The following FER variants were observed in gnomAD, a reference collection of about 807,000 sequenced individuals.
FER encodes the protein tyrosine-protein kinase Fer.
Under a neutral mutation model 111.0 loss-of-function variants are expected in FER, and 63 were observed. The ratio of observed to expected loss-of-function variants is 0.57; its 90% CI spans 0.46 to 0.70. FER has a LOEUF of 0.70. Among genes scored for constraint, FER ranks in the 30% least tolerant of loss-of-function variants. The probability of loss-of-function intolerance (pLI) is 0.00; values close to 1 mark genes in which losing one functional copy is unlikely to be tolerated. For missense variants in FER, 914 were observed against 954.0 expected (o/e 0.96, Z 0.55); for synonymous variants, 327 against 313.9 (o/e 1.04, Z -0.44).
intron 17 of FER, among the ~76,000 whole-genome samples, chr5:109,147,783 A>G (rs567668323): frequency 1.1e-3 from 101 of 92,676 alleles, no homozygotes; most frequent in African/African-American, 4.0e-3. Context: ...ACACATACAT[A>G]TATATATATA....
At chr5:108,851,722 G>T (rs995427144) in intron 5 of FER, among the ~76,000 whole-genome samples, 7 of 152,104 alleles carry the variant, frequency 4.6e-5, no homozygotes, top group Non-Finnish European at 8.8e-5. Flanking sequence ...TATCAGAAAA[G>T]ATGTTAAAAA....
chr5:108,819,198 T>A (rs1580709942), intron 3 of FER, among the ~76,000 whole-genome samples: 2 of 149,572 alleles, frequency 1.3e-5, no homozygotes, highest in East Asian at 1.9e-4. Context: ...TTTTTTTTTT[T>A]AATTTTTAGA....
At chr5:109,097,396 G>A (rs1747673743) in intron 16 of FER, among the ~76,000 whole-genome samples, 1 of 149,504 alleles carries the variant, frequency 6.7e-6, no homozygotes, top group South Asian at 2.1e-4. Context: ...AATTACAAAA[G>A]GGGTGTGAGT....
intron 13 of FER, among the ~76,000 whole-genome samples, chr5:108,973,983 GT>G (rs1214856988): frequency 6.6e-6 from 1 of 152,136 alleles, no homozygotes; most frequent in Non-Finnish European, 1.5e-5. Flanking sequence ...TTCTATTGCA[GT>G]CTTGAATGTG....
chr5:108,922,590 C>A (rs1294348409), intron 10 of FER, among the ~76,000 whole-genome samples: 1 of 152,004 alleles, frequency 6.6e-6, no homozygotes, highest in African/African-American at 2.4e-5. Flanking sequence ...GGGTAAGTGC[C>A]TGGCACCTAA....
intron 8 of FER, among the ~76,000 whole-genome samples, chr5:108,875,401 T>C (rs1764990583): frequency 6.6e-6 from 1 of 152,104 alleles, no homozygotes; most frequent in Admixed American, 6.6e-5. Context: ...CCCATCTGCC[T>C]CTTTTTTTGC....
chr5:109,169,136 G>T (rs943773717), intron 17 of FER, among the ~76,000 whole-genome samples: 3 of 152,082 alleles, frequency 2.0e-5, no homozygotes, highest in Non-Finnish European at 2.9e-5. Flanking sequence ...TAACAATCAT[G>T]GAAGGACATT....
chr5:109,020,786 T>C (rs148993015), intron 13 of FER, among the ~76,000 whole-genome samples: 35 of 152,186 alleles, frequency 2.3e-4, no homozygotes, highest in African/African-American at 8.4e-4. Context: ...TCAGCCACCT[T>C]GCCAAACTAA....
intron 5 of FER, among the ~76,000 whole-genome samples, chr5:108,839,665 C>T (rs539179077): frequency 4.6e-5 from 7 of 151,100 alleles, no homozygotes; most frequent in Admixed American, 1.3e-4. Context: ...GCAAGCTCCG[C>T]CTCCCAGATT....
intron 17 of FER, among the ~76,000 whole-genome samples, chr5:109,147,762 A>AAC (rs1157219143): frequency 2.7e-5 from 4 of 145,866 alleles, no homozygotes; most frequent in African/African-American, 7.7e-5. Flanking sequence ...ATACAAAGAG[A>AAC]ACACACACAC....
intron 17 of FER, among the ~76,000 whole-genome samples, chr5:109,139,092 G>C (rs1484839911): frequency 6.6e-6 from 1 of 152,166 alleles, no homozygotes; most frequent in African/African-American, 2.4e-5. Flanking sequence ...GAGAAAGCCA[G>C]AACAGTCTAG....
At position 108,821,188 on chromosome 5, in the gene FER, T is replaced by G. The variant is rs116800142; in HGVS notation, c.208-11582T>G. Reference sequence around the variant, plus strand: ...CTTTAACCAAGAGAAAGTGAAATTCTGCTGACATTGAAGGTCATACTTAAC... The same window carrying G: ...CTTTAACCAAGAGAAAGTGAAATTCGGCTGACATTGAAGGTCATACTTAAC... On this transcript the variant is annotated intron_variant, in intron 3 of 19. Transcript: ENST00000281092. 4.9e-3 allele frequency among the ~76,000 whole-genome samples: 747 copies of G among 152,340 alleles called. 5 individuals are homozygous for G. The highest frequency in any genetic ancestry group is 7.6e-3 in the Non-Finnish European group (516 of 68,028).
At chr5:109,142,147 G>T (rs1753590507) in intron 17 of FER, among the ~76,000 whole-genome samples, 1 of 152,148 alleles carries the variant, frequency 6.6e-6, no homozygotes, top group African/African-American at 2.4e-5. Context: ...GATAGAGTGG[G>T]AAGGAGGATA....
intron 2 of FER, among the ~76,000 whole-genome samples, chr5:108,796,227 T>G (rs1756000604): frequency 6.6e-6 from 1 of 152,192 alleles, no homozygotes; most frequent in Non-Finnish European, 1.5e-5. Flanking sequence ...CCCAAACAAA[T>G]GGAGTCTCTC....
At chr5:109,017,397 G>T (rs764915735) in intron 13 of FER, among the ~76,000 whole-genome samples, 1 of 151,882 alleles carries the variant, frequency 6.6e-6, no homozygotes, top group Non-Finnish European at 1.5e-5. Context: ...AATTGCTTTG[G>T]ATTGTTTTGA....
intron 1 of FER, among the ~76,000 whole-genome samples, chr5:108,753,746 T>C (rs765308374): frequency 1.3e-5 from 2 of 152,206 alleles, no homozygotes; most frequent in African/African-American, 2.4e-5. Context: ...CTGTTTCAGA[T>C]TGTGTGTTCT....
Position 109,184,971 on chromosome 5 carries a change from A to G in FER, c.2204-1229A>G, listed in dbSNP as rs544287377. 2.6e-5 allele frequency among the ~76,000 whole-genome samples: 4 copies of G among 152,344 alleles called. No individual in the cohort carries two copies. The South Asian group carries it at 8.3e-4, about 32-fold the overall frequency. ...CAGGAAACCACATGAGGGATAGAAAATGAAATAACTTAAGAAATCTTTAAC... is the reference window on the plus strand; with the variant it reads ...CAGGAAACCACATGAGGGATAGAAAGTGAAATAACTTAAGAAATCTTTAAC... On this transcript the variant is annotated intron_variant, in intron 18 of 19. Coordinates refer to ENST00000281092, the MANE Select transcript of FER (RefSeq NM_005246.4).
chr5:109,005,050 C>G (rs1477644854), intron 13 of FER, among the ~76,000 whole-genome samples: 2 of 151,880 alleles, frequency 1.3e-5, no homozygotes, highest in African/African-American at 2.4e-5. Flanking sequence ...ACTATCCATC[C>G]CTAGGGATAA....
At chr5:109,186,893 A>T (rs1313755095) in intron 19 of FER, among the ~76,000 whole-genome samples, 1 of 152,230 alleles carries the variant, frequency 6.6e-6, no homozygotes, top group Non-Finnish European at 1.5e-5. Flanking sequence ...GTAGAAGTGG[A>T]TGAAGGAAGA....
Sources: gnomAD v4.1 joint callset for allele counts (sites outside exome capture counted in the v4.1 genomes callset) on GRCh38, gnomAD v4.1.1 for gene constraint, MANE v1.5 for transcripts, NCBI Gene and HGNC (gene_info 2026-07-23, HGNC 2026-07-21) for gene names.